NLGN1: variants seen among roughly 807,000 people sequenced by gnomAD.
NLGN1 encodes the protein neuroligin-1.
Under a neutral mutation model 65.5 loss-of-function variants are expected in NLGN1, and 12 were observed. The ratio of observed to expected loss-of-function variants is 0.18; its 90% CI spans 0.12 to 0.30. The LOEUF is 0.30. NLGN1 is among the 10% of genes least tolerant of loss of function. NLGN1 has a pLI of 1.00. For synonymous variants in NLGN1, 350 were observed against 359.5 expected (o/e 0.97, Z 0.30); for missense variants, 750 against 1,007.1 (o/e 0.74, Z 3.46).
At chr3:173,492,983 A>G (rs972866528) in intron 2 of NLGN1, among the ~76,000 whole-genome samples, 6 of 151,750 alleles carry the variant, frequency 4.0e-5, no homozygotes, top group African/African-American at 1.2e-4. Flanking sequence ...GGTCATTGTC[A>G]GTGGCCCCTG....
intron 3 of NLGN1, among the ~76,000 whole-genome samples, chr3:173,629,404 CTG>C (rs1755328744): frequency 6.6e-6 from 1 of 152,118 alleles, no homozygotes; most frequent in African/African-American, 2.4e-5. Flanking sequence ...GTGTGGGCCA[CTG>C]TGCCCAGCTT....
intron 2 of NLGN1, among the ~76,000 whole-genome samples, chr3:173,584,278 GAA>G (rs1018645236): frequency 2.7e-5 from 4 of 150,410 alleles, no homozygotes; most frequent in Non-Finnish European, 5.9e-5. Flanking sequence ...GAGGGGATGG[GAA>G]AAAAAAGTGA....
chr3:174,095,279 G>A (rs1336250485), intron 4 of NLGN1, among the ~76,000 whole-genome samples: 1 of 149,444 alleles, frequency 6.7e-6, no homozygotes, highest in African/African-American at 2.5e-5. Flanking sequence ...TGGGTATGGA[G>A]CTAAATTTGG....
chr3:174,151,052 T>C (rs910408773), intron 4 of NLGN1, among the ~76,000 whole-genome samples: 2 of 151,960 alleles, frequency 1.3e-5, no homozygotes, highest in African/African-American at 4.8e-5. Context: ...CTGAAACATC[T>C]CTACAGCTCA....
intron 2 of NLGN1, among the ~76,000 whole-genome samples, chr3:173,443,709 T>C (rs1342364932): frequency 2.6e-5 from 4 of 152,208 alleles, no homozygotes; most frequent in Non-Finnish European, 5.9e-5. Flanking sequence ...AAGGTGCAAT[T>C]ATTTTCTAGA....
intron 2 of NLGN1, among the ~76,000 whole-genome samples, chr3:173,443,955 A>G (rs1035448238): frequency 2.0e-5 from 3 of 152,214 alleles, no homozygotes; most frequent in African/African-American, 7.2e-5. Context: ...AATAACCAAC[A>G]TAAGATTGTA....
chr3:173,859,410 A>G (rs1728635562), intron 4 of NLGN1, among the ~76,000 whole-genome samples: 1 of 152,118 alleles, frequency 6.6e-6, no homozygotes, highest in Non-Finnish European at 1.5e-5. Context: ...GTTTTGATAT[A>G]TTAGTTATTC....
intron 2 of NLGN1, among the ~76,000 whole-genome samples, chr3:173,445,332 C>G (rs1224362458): frequency 2.0e-5 from 3 of 148,502 alleles, no homozygotes; most frequent in African/African-American, 7.5e-5. Flanking sequence ...GGTTTCCTGT[C>G]AGTTGGTGTC....
chr3:173,693,045 T>G (rs2149833785), intron 3 of NLGN1, among the ~76,000 whole-genome samples: 1 of 152,272 alleles, frequency 6.6e-6, no homozygotes, highest in African/African-American at 2.4e-5. Flanking sequence ...GTTACTTGAT[T>G]ACCTCAAGAG....
chr3:173,579,245 G>A (rs1401641873), intron 2 of NLGN1, among the ~76,000 whole-genome samples: 3 of 152,184 alleles, frequency 2.0e-5, no homozygotes, highest in Non-Finnish European at 4.4e-5. Flanking sequence ...CAGCCAAGGT[G>A]GGCAGATTGC....
chr3:173,886,233 A>C (rs192946307), intron 4 of NLGN1, among the ~76,000 whole-genome samples: 1 of 152,176 alleles, frequency 6.6e-6, no homozygotes, highest in Non-Finnish European at 1.5e-5. Flanking sequence ...AAAGAAGAAC[A>C]CTCATGAAAA....
chr3:174,010,753 G>A (rs539958653), intron 4 of NLGN1, among the ~76,000 whole-genome samples: 5 of 152,302 alleles, frequency 3.3e-5, no homozygotes, highest in East Asian at 1.9e-4. Context: ...TGATGAGTTT[G>A]TTGATGATTC....
chr3:174,226,963 A>G (rs1031541822), intron 4 of NLGN1, among the ~76,000 whole-genome samples: 3 of 152,214 alleles, frequency 2.0e-5, no homozygotes, highest in Non-Finnish European at 2.9e-5. Context: ...TTACTGGTAT[A>G]CAAAAAATGA....
At chr3:173,605,117 G>A (rs1270633212) in intron 3 of NLGN1, 26 bp downstream of exon 2, 7 of 1,539,786 alleles carry the variant, frequency 4.5e-6, no homozygotes, top group Non-Finnish European at 6.1e-6. Context: ...GAAAAACAGG[G>A]AGATATATTT....
chr3:173,777,908 C>A (rs1780560688), intron 3 of NLGN1, among the ~76,000 whole-genome samples: 1 of 151,822 alleles, frequency 6.6e-6, no homozygotes, highest in Admixed American at 6.6e-5. Context: ...ATTAAAAAAT[C>A]TAGCATGTTT....
chr3:174,119,023 A>G (rs1717179202), intron 4 of NLGN1, among the ~76,000 whole-genome samples: 1 of 152,210 alleles, frequency 6.6e-6, no homozygotes, highest in African/African-American at 2.4e-5. Flanking sequence ...CATAGAAAAA[A>G]AAAGTCAGTG....
At chr3:173,491,250 T>C (rs1729101520) in intron 2 of NLGN1, among the ~76,000 whole-genome samples, 2 of 151,898 alleles carry the variant, frequency 1.3e-5, no homozygotes. Flanking sequence ...ATAGCTCTTA[T>C]TATTTTGAGA....
intron 1 of NLGN1, among the ~76,000 whole-genome samples, chr3:173,406,217 C>T (rs1048686209): frequency 1.1e-4 from 17 of 151,844 alleles, no homozygotes; most frequent in Middle Eastern, 3.4e-3. Context: ...AAATAAATCA[C>T]AGCCAAATAG....
At chr3:173,828,774 G>T (rs1412765108) in intron 4 of NLGN1, among the ~76,000 whole-genome samples, 1 of 152,002 alleles carries the variant, frequency 6.6e-6, no homozygotes, top group Non-Finnish European at 1.5e-5. Context: ...AGTGTTTCAG[G>T]CAGGGGGAAA....
Sources: gnomAD v4.1 joint callset for allele counts (sites outside exome capture counted in the v4.1 genomes callset) on GRCh38, gnomAD v4.1.1 for gene constraint, MANE v1.5 for transcripts, NCBI Gene and HGNC (gene_info 2026-07-23, HGNC 2026-07-21) for gene names.